Variants in NEK6 observed in about 807,000 individuals in gnomAD.
The protein encoded by NEK6 is NIMA related kinase 6, also known as serine/threonine-protein kinase Nek6.
NEK6 carries 27 observed loss-of-function variants against 43.5 expected under a neutral mutation model. The ratio of observed to expected loss-of-function variants is 0.62; its 90% confidence interval spans 0.46 to 0.86. NEK6 has a LOEUF of 0.86. NEK6 is among the 40% of genes least tolerant of loss of function. The pLI is 0.00. For missense variants in NEK6, 318 were observed against 414.4 expected, an observed-to-expected ratio of 0.77 and a Z score of 2.02; for synonymous variants, 167 against 164.1, an observed-to-expected ratio of 1.02 and a Z score of -0.14.
intron 8 of NEK6, among the ~76,000 whole-genome samples, chr9:124,341,181 T>C (rs556130815): frequency 6.6e-6 from 1 of 152,352 alleles, no homozygotes; most frequent in Non-Finnish European, 1.5e-5. Context: ...TAGCTGGGAC[T>C]ACAGACGCCC....
chr9:124,351,015 G>C lies in NEK6; in HGVS notation c.*68G>C. The C allele has an allele frequency of 9.2e-7, 1 of 1,088,318 alleles. No homozygotes were observed. The highest frequency in any genetic ancestry group is 1.4e-6 in the Non-Finnish European group (1 of 729,164). 67.4% of individuals were successfully genotyped at this position (1,088,318 alleles called of 1,614,324 possible). On this transcript the variant is annotated 3_prime_UTR_variant, in exon 10 of 10. Transcript: ENST00000320246. ...CTTACTTGAGTCGTCTTCTCTTCGA[G>C]TGGCCACCTGGTAGCCTAGAACAGC...
chr9:124,289,682 G>A (rs1434172730), intron 1 of NEK6, among the ~76,000 whole-genome samples: 2 of 152,210 alleles, frequency 1.3e-5, no homozygotes, highest in African/African-American at 4.8e-5. Flanking sequence ...CTAGTGCCCA[G>A]AAATGAGCAC....
intron 4 of NEK6, among the ~76,000 whole-genome samples, chr9:124,319,337 T>C (rs553438210): frequency 1.8e-4 from 27 of 152,302 alleles, no homozygotes; most frequent in South Asian, 4.1e-4. Context: ...AAGTTCCTTA[T>C]AGATTCTGGA....
intron 9 of NEK6, 37 bp from the exon 10 acceptor site, chr9:124,350,800 C>G (rs1396966636): frequency 1.3e-5 from 20 of 1,500,098 alleles, no homozygotes; most frequent in Non-Finnish European, 1.8e-5. Flanking sequence ...AGTAAGACTG[C>G]TTTCTTGAGA....
At chr9:124,312,931 A>G (rs977732092) in intron 3 of NEK6, among the ~76,000 whole-genome samples, 1 of 152,178 alleles carries the variant, frequency 6.6e-6, no homozygotes, top group African/African-American at 2.4e-5. Context: ...GGGGATTGTC[A>G]TTTCATCTCT....
At chr9:124,313,722 A>G (rs538383348) in intron 3 of NEK6, among the ~76,000 whole-genome samples, 1 of 151,506 alleles carries the variant, frequency 6.6e-6, no homozygotes, top group South Asian at 2.1e-4. Flanking sequence ...CTTTAGTGCC[A>G]CGATGGGTTT....
rs957589957 is a variant in NEK6 at position 124,285,168 on chromosome 9, G to A, written c.-29-16768G>A. 4.2e-4 allele frequency among the ~76,000 whole-genome samples: 64 copies of A among 152,210 alleles called. 1 individual carries two copies. Among genetic ancestry groups the A allele is most frequent in the Middle Eastern group, 3.2e-3 (1 of 316 alleles). On this transcript the variant is annotated intron_variant, in intron 1 of 9. Coordinates refer to ENST00000320246, the MANE Select transcript of NEK6 (RefSeq NM_014397.6). Reference sequence around the variant, plus strand: ...TCCCTCAGGCACGGCACGGTTGAACGTCGAGGCATATTTTACAGGCTTGGT... The same window carrying A: ...TCCCTCAGGCACGGCACGGTTGAACATCGAGGCATATTTTACAGGCTTGGT...
At chr9:124,312,083 T>C (rs1234810386) in intron 2 of NEK6, among the ~76,000 whole-genome samples, 1 of 152,210 alleles carries the variant, frequency 6.6e-6, no homozygotes, top group East Asian at 1.9e-4. Context: ...TGGGGCATTT[T>C]GCATGGTGGC....
chr9:124,307,249 G>A (rs376979551), intron 2 of NEK6, among the ~76,000 whole-genome samples: 3 of 152,098 alleles, frequency 2.0e-5, no homozygotes, highest in Non-Finnish European at 2.9e-5. Flanking sequence ...AGAAGACAGC[G>A]TGGGTTTCTC....
intron 1 of NEK6, among the ~76,000 whole-genome samples, chr9:124,268,457 A>G (rs1000577403): frequency 2.6e-5 from 4 of 152,196 alleles, no homozygotes; most frequent in Admixed American, 2.6e-4. Context: ...AGGTGAATGC[A>G]TTCACTTCCC....
chr9:124,290,119 G>C (rs557901775), intron 1 of NEK6, among the ~76,000 whole-genome samples: 1 of 152,244 alleles, frequency 6.6e-6, no homozygotes, highest in Admixed American at 6.5e-5. Flanking sequence ...GTAGGACTGG[G>C]CAAAGAAGAC....
At chr9:124,337,176 A>G (rs1829340341) in intron 7 of NEK6, among the ~76,000 whole-genome samples, 1 of 152,070 alleles carries the variant, frequency 6.6e-6, no homozygotes. Flanking sequence ...GCTTCAGGAA[A>G]TCCTCCCATC....
At chr9:124,318,097 C>T (rs1833907172) in intron 4 of NEK6, among the ~76,000 whole-genome samples, 1 of 152,194 alleles carries the variant, frequency 6.6e-6, no homozygotes, top group Non-Finnish European at 1.5e-5. Flanking sequence ...GAGAAATTTC[C>T]AGACTTTGTT....
At chr9:124,277,802 C>T (rs540060036) in intron 1 of NEK6, among the ~76,000 whole-genome samples, 5 of 152,326 alleles carry the variant, frequency 3.3e-5, no homozygotes, top group African/African-American at 9.6e-5. Flanking sequence ...TCGGCGGCCA[C>T]GGAATTCATT....
intron 1 of NEK6, chr9:124,286,519 A>T (rs1162173140): frequency 6.6e-6 from 1 of 152,200 alleles, no homozygotes; most frequent in Non-Finnish European, 1.5e-5. Context: ...AAATCTGGTG[A>T]CGCATCCTTC....
At chr9:124,262,599 AG>A in intron 1 of NEK6, among the ~76,000 whole-genome samples, 1 of 152,372 alleles carries the variant, frequency 6.6e-6, no homozygotes, top group Non-Finnish European at 1.5e-5. Context: ...GCAGGATCAC[AG>A]CACCCCACCA....
chr9:124,330,144 C>T (rs551901803), intron 7 of NEK6, among the ~76,000 whole-genome samples: 8 of 152,300 alleles, frequency 5.3e-5, no homozygotes, highest in Non-Finnish European at 1.0e-4. Context: ...GTGCCATGGT[C>T]GGGCTGACAG....
intron 7 of NEK6, among the ~76,000 whole-genome samples, chr9:124,339,285 G>T (rs1194603642): frequency 6.6e-6 from 1 of 151,496 alleles, no homozygotes; most frequent in Admixed American, 6.6e-5. Flanking sequence ...GTGAGCCATG[G>T]CGCCCAGCCT....
intron 9 of NEK6, 78 bp from the exon 10 acceptor site, chr9:124,350,759 C>G (rs1223180886): frequency 3.0e-6 from 3 of 993,350 alleles, no homozygotes; most frequent in Non-Finnish European, 4.7e-6. Context: ...GAAGTGCCTT[C>G]ATGCAGACAG....
Sources: allele counts gnomAD v4.1 joint callset (sites outside exome capture counted in the v4.1 genomes callset), GRCh38; gene constraint gnomAD v4.1.1; transcripts MANE v1.5; gene names NCBI Gene and HGNC (gene_info 2026-07-23, HGNC 2026-07-21).